CENPE: variants seen among roughly 807,000 people sequenced by gnomAD.
CENPE encodes the protein centromere-associated protein E.
CENPE carries 145 observed loss-of-function variants against 336.1 expected under a neutral mutation model. That is an observed-to-expected ratio of 0.43 (90% CI 0.38 to 0.50). CENPE has a LOEUF of 0.50. CENPE is among the 20% of genes least tolerant of loss of function. The pLI is 0.00. For synonymous variants in CENPE, 1,013 were observed against 984.8 expected (o/e 1.03, Z -0.54); for missense variants, 2,719 against 3,023.3 (o/e 0.90, Z 2.36).
chr4:103,113,018 TTATAAGTA>T (rs1460340944), intron 46 of CENPE, among the ~76,000 whole-genome samples: 2 of 90,966 alleles, frequency 2.2e-5, no homozygotes, highest in African/African-American at 4.8e-5. Context: ...ATATATATAC[TTATAAGTA>T]TATAAGTGTA....
intron 24 of CENPE, among the ~76,000 whole-genome samples, chr4:103,157,365 G>A (rs1754050481): frequency 6.6e-6 from 1 of 151,976 alleles, no homozygotes; most frequent in South Asian, 2.1e-4. Context: ...TGGATGCATA[G>A]ATAAGCAAAC....
rs138076049 is a variant in CENPE, at chr4:103,196,187, C to T, written c.214G>A (p.Asp72Asn). The T allele has an allele frequency of 9.9e-6, 16 of 1,613,742 alleles. No individual in the cohort carries two copies. In the African/African-American group the frequency reaches 1.5e-4, roughly 15 times the overall value. ...VYEEIAAPII[D>N]SAIQGYNGTI... is the part of the protein sequence containing the mutation. ...CCATTGTAGCCTTGTATGGCAGAAT[C>T]GATGATTGGTGCTGCTATTTCTTCA... Residue 72 changes from aspartate to asparagine, a missense_variant, in exon 3 of 49, where the codon GAT becomes AAT. Physicochemically the swap from Asp to Asn is conservative, Grantham distance 23 (BLOSUM62 1). This residue lies in a region of CENPE where 106 missense variants were observed against 189.3 expected (regional missense o/e 0.56). Coordinates refer to ENST00000265148, the MANE Select transcript of CENPE (RefSeq NM_001813.3).
Position 103,145,099 on chromosome 4 carries a change from T to C in CENPE, c.4808A>G (p.Gln1603Arg). The C allele has an allele frequency of 6.3e-7, 1 of 1,590,766 alleles. No homozygotes were observed. The highest frequency in any genetic ancestry group is 8.5e-7 in the Non-Finnish European group (1 of 1,170,734). Residue 1603 changes from glutamine (Q) to arginine (R), a missense_variant, in exon 32 of 49, where the codon CAG (glutamine) becomes CGG (arginine). Gln to Arg is a conservative substitution (Grantham distance 43). This residue lies in a region of CENPE where 2,437 missense variants were observed against 2,513.3 expected (regional missense o/e 0.97). Coordinates refer to ENST00000265148, the MANE Select transcript of CENPE (RefSeq NM_001813.3). ...TTCTTTCAGTTGGTCTCTCTCTATC[T>C]GAAGGGCCTCCTGTACTCTTTTCAT... ...EEMKRVQEAL[Q>R]IERDQLKENT... is the part of the protein sequence containing the mutation.
chr4:103,197,501 T>A (rs781382617), intron 1 of CENPE, among the ~76,000 whole-genome samples: 1 of 152,226 alleles, frequency 6.6e-6, no homozygotes, highest in South Asian at 2.1e-4. Context: ...GTTTAAGGCA[T>A]TAGATAATGA....
At chr4:103,172,795 T>C (rs2126000444) in intron 16 of CENPE, among the ~76,000 whole-genome samples, 1 of 151,932 alleles carries the variant, frequency 6.6e-6, no homozygotes, top group African/African-American at 2.4e-5. Context: ...TATATGTTAA[T>C]GGCAAACTAT....
intron 8 of CENPE, among the ~76,000 whole-genome samples, chr4:103,190,400 A>C (rs1367092402): frequency 6.6e-6 from 1 of 152,234 alleles, no homozygotes; most frequent in South Asian, 2.1e-4. Context: ...CTATACTACA[A>C]GGCTACAGTA....
intron 2 of CENPE, 49 bp downstream of exon 2, chr4:103,196,710 T>G: frequency 1.1e-6 from 1 of 892,040 alleles, no homozygotes; most frequent in Admixed American, 2.2e-5. Flanking sequence ...TTTGTACTTT[T>G]AATAGCAAAA....
chr4:103,196,126 G>T, intron 3 of CENPE, 37 bp downstream of exon 3: 2 of 1,593,492 alleles, frequency 1.3e-6, no homozygotes, highest in Non-Finnish European at 8.6e-7. Flanking sequence ...AGACGCCCAA[G>T]ACTAAAATGT....
intron 8 of CENPE, among the ~76,000 whole-genome samples, chr4:103,189,543 CAT>C (rs1320141673): frequency 6.6e-6 from 1 of 152,158 alleles, no homozygotes; most frequent in East Asian, 1.9e-4. Flanking sequence ...ACAAAAACCA[CAT>C]GATTATCTCA....
At chr4:103,163,384 A>G in intron 17 of CENPE, 95 bp downstream of exon 17, 1 of 1,255,310 alleles carries the variant, frequency 8.0e-7, no homozygotes, top group East Asian at 2.5e-5. Flanking sequence ...TTAAAAACAT[A>G]ATTCCCTTAT....
intron 18 of CENPE, among the ~76,000 whole-genome samples, chr4:103,161,834 C>A (rs1028255266): frequency 3.3e-5 from 5 of 151,202 alleles, no homozygotes; most frequent in Non-Finnish European, 7.4e-5. Flanking sequence ...GATATTAACC[C>A]ACAAATTGAA....
intron 8 of CENPE, among the ~76,000 whole-genome samples, chr4:103,188,163 C>A (rs1336836835): frequency 6.6e-6 from 1 of 152,118 alleles, no homozygotes; most frequent in Non-Finnish European, 1.5e-5. Flanking sequence ...CAGAGACCTA[C>A]AAAGAGACTT....
chr4:103,155,411 G>A (rs768622521), intron 24 of CENPE, among the ~76,000 whole-genome samples: 1 of 152,030 alleles, frequency 6.6e-6, no homozygotes, highest in Non-Finnish European at 1.5e-5. Context: ...CCTGGGCTCA[G>A]GTGATCCTCC....
intron 24 of CENPE, among the ~76,000 whole-genome samples, chr4:103,156,638 C>T (rs1008900991): frequency 7.2e-5 from 11 of 152,008 alleles, no homozygotes; most frequent in African/African-American, 2.7e-4. Flanking sequence ...TAGAAGAAAA[C>T]ATAGGGGAAC....
chr4:103,197,999 G>T (rs1757869874), intron 1 of CENPE, among the ~76,000 whole-genome samples: 1 of 152,250 alleles, frequency 6.6e-6, no homozygotes, highest in Non-Finnish European at 1.5e-5. Context: ...AGCAGATGCC[G>T]CAAGGCAGAG....
intron 9 of CENPE, 61 bp from the exon 10 acceptor site, chr4:103,183,349 T>C: frequency 7.5e-7 from 1 of 1,335,690 alleles, no homozygotes. Flanking sequence ...GATAAACTTA[T>C]TTATCACTAA....
chr4:103,131,461 T>A (rs1194074884), intron 42 of CENPE, among the ~76,000 whole-genome samples: 2 of 152,300 alleles, frequency 1.3e-5, no homozygotes, highest in East Asian at 3.9e-4. Context: ...CACCAAATGC[T>A]GATGAGAATG....
chr4:103,172,683 T>C (rs554674848), intron 16 of CENPE, among the ~76,000 whole-genome samples: 2 of 152,002 alleles, frequency 1.3e-5, no homozygotes, highest in Non-Finnish European at 2.9e-5. Flanking sequence ...TATGATCCTA[T>C]ATACAGAAAA....
At chr4:103,194,766 GAATT>G in intron 5 of CENPE, 82 bp from the exon 6 acceptor site, 1 of 1,012,038 alleles carries the variant, frequency 9.9e-7, no homozygotes, top group Non-Finnish European at 1.4e-6. Context: ...AACTATTATA[GAATT>G]CATTTGTGAA....
Sources: gnomAD v4.1 joint callset for allele counts (sites outside exome capture counted in the v4.1 genomes callset) on GRCh38, gnomAD v4.1.1 for gene constraint, gnomAD v4.1.1 regional missense constraint, MANE v1.5 for transcripts, NCBI Gene and HGNC (gene_info 2026-07-23, HGNC 2026-07-21) for gene names.